Variants in TLN2 observed in about 807,000 individuals in gnomAD.
The protein encoded by TLN2 is talin 2.
In TLN2, 118 loss-of-function variants were observed where a neutral mutation model predicts 294.7. The ratio of observed to expected loss-of-function variants is 0.40; its 90% CI spans 0.34 to 0.47. TLN2 has a LOEUF of 0.47. TLN2 is among the 20% of genes least tolerant of loss of function. TLN2 has a pLI of 0.84. For missense variants in TLN2, 3,083 were observed against 3,282.2 expected, an observed-to-expected ratio of 0.94 and a Z score of 1.48; for synonymous variants, 1,431 against 1,304.5, an observed-to-expected ratio of 1.10 and a Z score of -2.09.
At chr15:62,529,347 G>A (rs1375354441) in intron 1 of TLN2, among the ~76,000 whole-genome samples, 1 of 152,032 alleles carries the variant, frequency 6.6e-6, no homozygotes, top group African/African-American at 2.4e-5. Flanking sequence ...TCCCACCTTG[G>A]CCTTGTGTTG....
intron 3 of TLN2, among the ~76,000 whole-genome samples, chr15:62,638,855 C>CT (rs1481157466): frequency 2.6e-5 from 4 of 152,106 alleles, no homozygotes; most frequent in Admixed American, 6.5e-5. Flanking sequence ...GGCATTGGTT[C>CT]TTTTTTTGAG....
chr15:62,413,592 A>G (rs1054766644), intron 1 of TLN2, among the ~76,000 whole-genome samples: 1 of 152,212 alleles, frequency 6.6e-6, no homozygotes, highest in African/African-American at 2.4e-5. Flanking sequence ...AAGTGGCAGG[A>G]TGTTTGTGTT....
intron 13 of TLN2, among the ~76,000 whole-genome samples, chr15:62,693,967 T>TTTTG (rs1246913006): frequency 0.033 from 128 of 3,882 alleles, 4 homozygotes; most frequent in African/African-American, 0.035. Flanking sequence ...TTTTTTTTTT[T>TTTTG]TTTTTTTTTT....
At position 62,508,481 on chromosome 15, in the gene TLN2, C is replaced by A. The variant is rs567769691; in HGVS notation, c.-237-81206C>A. Among the ~76,000 whole-genome samples the A allele has an allele frequency of 1.1e-4, 16 of 152,276 alleles. No individual in the cohort carries two copies. The South Asian group carries it at 2.9e-3, about 28-fold the overall frequency. ...CCACCCGCCTCGGCCTCCCAAAGTG[C>A]TGGGATTACAGGCGTGAGCCACTGC... is the stretch of plus-strand genomic sequence containing the variant. On this transcript the variant is annotated intron_variant, in intron 1 of 58. Transcript: ENST00000636159.
rs971628482 is a variant in TLN2, at chr15:62,702,326, A to G, written c.1905+126A>G. 2.0e-5 allele frequency: 22 copies of G among 1,075,704 alleles called. No individual in the cohort carries two copies. In the African/African-American group the frequency reaches 3.3e-4, roughly 16 times the overall value. The allele number at this position is 1,075,704 out of a possible 1,614,324, so 66.6% of individuals were successfully genotyped here. A position where few individuals can be genotyped will look rare whatever the true frequency, so the allele number is the denominator to read the frequency against. On this transcript the variant is annotated intron_variant, in intron 18 of 58. Transcript: ENST00000636159. ...GATGGGGTGTGTTTCTCTCTGCAGG[A>G]GTAACTGGAGTTGTGGAACTGGGTG...
chr15:62,474,151 A>G (rs1024191661), intron 1 of TLN2, among the ~76,000 whole-genome samples: 1 of 152,218 alleles, frequency 6.6e-6, no homozygotes, highest in African/African-American at 2.4e-5. Flanking sequence ...AGAGACTTAT[A>G]AAAGAGGATT....
At chr15:62,608,598 G>A (rs760787146) in intron 2 of TLN2, among the ~76,000 whole-genome samples, 6 of 152,150 alleles carry the variant, frequency 3.9e-5, no homozygotes, top group Non-Finnish European at 7.3e-5. Flanking sequence ...TTGGGAGGTG[G>A]GTGGATTGTG....
intron 12 of TLN2, chr15:62,690,498 G>C (rs556727197): frequency 1.2e-5 from 2 of 161,454 alleles, no homozygotes; most frequent in Non-Finnish European, 2.6e-5. Context: ...ATGGGATGGC[G>C]GCCGGGCAGA....
At chr15:62,658,105 A>C (rs1596530660) in intron 9 of TLN2, 3 of 421,938 alleles carry the variant, frequency 7.1e-6, no homozygotes, top group African/African-American at 2.1e-5. Flanking sequence ...CTGAATAGAA[A>C]TTCAGTGATC....
At chr15:62,797,506 C>A (rs1401323934) in intron 48 of TLN2, 104 bp downstream of exon 48, 3 of 1,350,180 alleles carry the variant, frequency 2.2e-6, no homozygotes, top group Non-Finnish European at 2.9e-6. Flanking sequence ...TTGAAGTAGA[C>A]AATGTGTGTG....
rs1555407266 is a variant in TLN2 at position 62,437,771 on chromosome 15, G to GTC, written c.-238+47087_-238+47088insCT. On this transcript the variant is annotated intron_variant, in intron 1 of 58. Transcript: ENST00000636159. Reference sequence around the variant, plus strand: ...CATGGGGGTGTGTGTGTGTGTGTGTGTGTCTGTCTGTCTGTCTGCCAATTG... The same window carrying GTC: ...CATGGGGGTGTGTGTGTGTGTGTGTGTCTGTCTGTCTGTCTGTCTGCCAATTG... 7.1e-3 allele frequency among the ~76,000 whole-genome samples: 1,084 copies of GTC among 151,970 alleles called. 10 individuals carry two copies. Among genetic ancestry groups the GTC allele is most frequent in the Middle Eastern group, 0.02 (6 of 294 alleles).
chr15:62,541,484 G>GTGT (rs1165532577), intron 1 of TLN2, among the ~76,000 whole-genome samples: 22 of 152,276 alleles, frequency 1.4e-4, no homozygotes, highest in African/African-American at 5.1e-4. Flanking sequence ...CAAGGACACT[G>GTGT]CCTGTGTATC....
chr15:62,769,981 G>GT (rs1223699431), intron 41 of TLN2, among the ~76,000 whole-genome samples: 1 of 152,176 alleles, frequency 6.6e-6, no homozygotes, highest in Non-Finnish European at 1.5e-5. Flanking sequence ...CTGATGCCAG[G>GT]TAGAGGGTCA....
intron 13 of TLN2, among the ~76,000 whole-genome samples, chr15:62,693,811 CTTT>C (rs756397764): frequency 2.0e-5 from 3 of 151,964 alleles, no homozygotes; most frequent in Non-Finnish European, 4.4e-5. Context: ...ATATATTTCT[CTTT>C]TTTATTATTA....
chr15:62,620,585 C>T (rs184635618), intron 3 of TLN2, among the ~76,000 whole-genome samples: 4 of 150,650 alleles, frequency 2.7e-5, no homozygotes, highest in Non-Finnish European at 5.9e-5. Context: ...CTCAAGCAAT[C>T]CTCCTACCTC....
At chr15:62,806,667 G>A (rs919764871) in intron 51 of TLN2, among the ~76,000 whole-genome samples, 1 of 152,154 alleles carries the variant, frequency 6.6e-6, no homozygotes, top group Non-Finnish European at 1.5e-5. Context: ...CCCAGGGCCT[G>A]GAACCTTTAT....
intron 1 of TLN2, among the ~76,000 whole-genome samples, chr15:62,434,948 T>A (rs1196345993): frequency 6.6e-6 from 1 of 152,212 alleles, no homozygotes; most frequent in Non-Finnish European, 1.5e-5. Flanking sequence ...CAAAGTGTGT[T>A]GTTTCCCGCT....
At chr15:62,665,745 G>A (rs1307488131) in intron 9 of TLN2, among the ~76,000 whole-genome samples, 1 of 152,190 alleles carries the variant, frequency 6.6e-6, no homozygotes, top group Admixed American at 6.5e-5. Flanking sequence ...TTTTGACCCA[G>A]TAGGAGGTCT....
chr15:62,544,086 T>C (rs2140530019), intron 1 of TLN2, among the ~76,000 whole-genome samples: 1 of 152,342 alleles, frequency 6.6e-6, no homozygotes. Context: ...AAGTTAGCTA[T>C]CACGCTTTGT....
Sources: gnomAD v4.1 joint callset for allele counts (sites outside exome capture counted in the v4.1 genomes callset) on GRCh38, gnomAD v4.1.1 for gene constraint, MANE v1.5 for transcripts, NCBI Gene and HGNC (gene_info 2026-07-23, HGNC 2026-07-21) for gene names.